The following NKAIN3 variants were observed in gnomAD, a reference collection of about 807,000 sequenced individuals.
NKAIN3 encodes sodium/potassium transporting ATPase interacting 3, also known as sodium/potassium-transporting ATPase subunit beta-1-interacting protein 3.
Under a neutral mutation model 30.2 loss-of-function variants are expected in NKAIN3, and 25 were observed. The ratio of observed to expected loss-of-function variants is 0.83; its 90% CI spans 0.60 to 1.16. NKAIN3 has a LOEUF of 1.16. Among genes scored for constraint, NKAIN3 ranks in the 50% most tolerant of loss-of-function variants. The probability of loss-of-function intolerance (pLI) is 0.00; values close to 1 mark genes in which losing one functional copy is unlikely to be tolerated. For synonymous variants in NKAIN3, 91 were observed against 89.6 expected (o/e 1.02, Z -0.09); for missense variants, 225 against 254.1 (o/e 0.89, Z 0.78).
In NKAIN3 at chr8:62,981,961, T is replaced by C. The variant is rs983035263; in HGVS notation, c.*16554T>C. Reference sequence around the variant, plus strand: ...AAATAATTTTCAAGCACATAACAGATTAGAAACAGAGAATGAGAAAGGTAT... The same window carrying C: ...AAATAATTTTCAAGCACATAACAGACTAGAAACAGAGAATGAGAAAGGTAT... On this transcript the variant is annotated 3_prime_UTR_variant, in exon 7 of 7. Transcript: ENST00000623646. The C allele has an allele frequency of 2.0e-5, 3 of 152,076 alleles. No individual in the cohort carries two copies. The highest frequency in any genetic ancestry group is 4.8e-5 in the African/African-American group (2 of 41,418). 9.4% of individuals were successfully genotyped at this position (152,076 alleles called of 1,614,324 possible).
chr8:62,852,704 G>T (rs764530942), intron 4 of NKAIN3, among the ~76,000 whole-genome samples: 1 of 151,950 alleles, frequency 6.6e-6, no homozygotes. Context: ...CCTTCATTTC[G>T]TTATGTACCC....
intron 3 of NKAIN3, among the ~76,000 whole-genome samples, chr8:62,737,731 T>A (rs568850024): frequency 6.6e-6 from 1 of 152,308 alleles, no homozygotes; most frequent in African/African-American, 2.4e-5. Flanking sequence ...TTAGTCAGAA[T>A]TGTGTAAGCA....
rs547935487 is a variant in NKAIN3 at position 62,540,720 on chromosome 8, ATG to A, written c.55-38805_55-38804del. 9.9e-5 allele frequency among the ~76,000 whole-genome samples: 15 copies of A among 151,244 alleles called. 1 individual carries two copies. Among genetic ancestry groups the A allele is most frequent in the South Asian group, 6.3e-4 (3 of 4,776 alleles). On this transcript the variant is annotated intron_variant, in intron 1 of 6. Transcript: ENST00000623646. ...ATCATTTTGAGGGTGTGTGATGTTC[ATG>A]TGTGTGTGTGTGTTGTCTTTTTTTA... is the stretch of plus-strand genomic sequence containing the variant.
intron 4 of NKAIN3, among the ~76,000 whole-genome samples, chr8:62,787,166 C>T (rs951949866): frequency 2.0e-5 from 3 of 152,086 alleles, no homozygotes; most frequent in African/African-American, 7.2e-5. Flanking sequence ...TGATGCTTTC[C>T]TTGAAAGGCA....
chr8:62,249,670 C>T (rs993396475), intron 1 of NKAIN3, among the ~76,000 whole-genome samples: 1 of 152,114 alleles, frequency 6.6e-6, no homozygotes. Context: ...TCTGGGACCT[C>T]CAGGAAGGAG....
intron 1 of NKAIN3, among the ~76,000 whole-genome samples, chr8:62,508,757 A>T (rs1441979020): frequency 6.6e-6 from 1 of 152,178 alleles, no homozygotes; most frequent in Non-Finnish European, 1.5e-5. Context: ...GTGATAATTT[A>T]GCATGACATT....
chr8:62,449,871 C>A (rs1471171103), intron 1 of NKAIN3, among the ~76,000 whole-genome samples: 1 of 152,078 alleles, frequency 6.6e-6, no homozygotes, highest in South Asian at 2.1e-4. Flanking sequence ...TACGATCAGT[C>A]AACCATGGTT....
intron 1 of NKAIN3, among the ~76,000 whole-genome samples, chr8:62,429,008 A>G (rs781454916): frequency 2.2e-4 from 33 of 151,924 alleles, no homozygotes; most frequent in Non-Finnish European, 3.5e-4. Flanking sequence ...TTTTTGTAAT[A>G]TGGTGAGACA....
chr8:62,296,312 G>T (rs772348064), intron 1 of NKAIN3, among the ~76,000 whole-genome samples: 2 of 152,168 alleles, frequency 1.3e-5, no homozygotes, highest in Non-Finnish European at 2.9e-5. Flanking sequence ...ATGAGAACCA[G>T]ACTGCTGGAA....
chr8:62,702,700 A>G (rs1367324964), intron 3 of NKAIN3, among the ~76,000 whole-genome samples: 1 of 152,198 alleles, frequency 6.6e-6, no homozygotes, highest in Non-Finnish European at 1.5e-5. Context: ...CCTTATTCAC[A>G]GATCTATTTT....
chr8:62,361,497 A>ACC (rs1816561464), intron 1 of NKAIN3, among the ~76,000 whole-genome samples: 1 of 152,232 alleles, frequency 6.6e-6, no homozygotes, highest in East Asian at 1.9e-4. Context: ...TAAAAAGTTA[A>ACC]TTGTTTATTT....
intron 1 of NKAIN3, among the ~76,000 whole-genome samples, chr8:62,534,006 A>G (rs960584542): frequency 2.0e-5 from 3 of 152,296 alleles, no homozygotes; most frequent in Middle Eastern, 3.4e-3. Context: ...GGCTGACTTC[A>G]GACGCAACAT....
intron 1 of NKAIN3, among the ~76,000 whole-genome samples, chr8:62,387,803 A>G (rs544352735): frequency 2.1e-4 from 32 of 152,338 alleles, no homozygotes; most frequent in Non-Finnish European, 4.1e-4. Context: ...CCATGAGTCT[A>G]CAGTGAGATT....
intron 3 of NKAIN3, among the ~76,000 whole-genome samples, chr8:62,643,800 T>G (rs1345684995): frequency 6.6e-6 from 1 of 151,748 alleles, no homozygotes; most frequent in Non-Finnish European, 1.5e-5. Flanking sequence ...TTCTTATATA[T>G]AAGTAGTTGG....
At chr8:62,567,346 A>T (rs966078961) in intron 1 of NKAIN3, among the ~76,000 whole-genome samples, 1 of 152,166 alleles carries the variant, frequency 6.6e-6, no homozygotes, top group Non-Finnish European at 1.5e-5. Flanking sequence ...GCAGGGTACC[A>T]TTAACAAGGG....
intron 5 of NKAIN3, chr8:62,990,491 A>C (rs956647178): frequency 8.1e-5 from 42 of 520,686 alleles, no homozygotes; most frequent in Non-Finnish European, 1.0e-4. Context: ...TTATCTTAGC[A>C]TCTTACCTGG....
At chr8:62,582,819 G>A (rs1230826742) in intron 2 of NKAIN3, among the ~76,000 whole-genome samples, 1 of 119,902 alleles carries the variant, frequency 8.3e-6, no homozygotes, top group Non-Finnish European at 2.0e-5. Context: ...GTAAATGGCA[G>A]TGAAGAGGAA....
At chr8:62,307,152 G>C (rs1814272092) in intron 1 of NKAIN3, among the ~76,000 whole-genome samples, 1 of 149,114 alleles carries the variant, frequency 6.7e-6, no homozygotes, top group Non-Finnish European at 1.5e-5. Flanking sequence ...TAAGCAGCTG[G>C]TATCTCCTGG....
Position 62,329,490 on chromosome 8 carries a change from G to A in NKAIN3, c.54+80363G>A, listed in dbSNP as rs566313314. On this transcript the variant is annotated intron_variant, in intron 1 of 6. Coordinates refer to ENST00000623646, the MANE Select transcript of NKAIN3 (RefSeq NM_001304533.3). ...CAGGAGTTTCTTCAGCTTACATTCC[G>A]CTCCTTTTCTCCTCCAGTGATCCCC... 2.6e-4 allele frequency among the ~76,000 whole-genome samples: 40 copies of A among 152,104 alleles called. No homozygotes were observed. The South Asian group carries it at 3.7e-3, about 14-fold the overall frequency.
Sources: allele counts gnomAD v4.1 joint callset (sites outside exome capture counted in the v4.1 genomes callset), GRCh38; gene constraint gnomAD v4.1.1; transcripts MANE v1.5; gene names NCBI Gene and HGNC (gene_info 2026-07-23, HGNC 2026-07-21).